IL12RB2: variants seen among roughly 807,000 people sequenced by gnomAD.
IL12RB2 encodes interleukin-12 receptor subunit beta-2.
In IL12RB2, 82 loss-of-function variants were observed where a neutral mutation model predicts 89.4. That is an observed-to-expected ratio of 0.92 (90% confidence interval 0.77 to 1.10). The LOEUF (loss-of-function observed/expected upper bound fraction) is 1.10. IL12RB2 is among the 50% of genes least tolerant of loss of function. IL12RB2 has a pLI of 0.00. For missense variants in IL12RB2, 963 were observed against 1,031.9 expected, an observed-to-expected ratio of 0.93 and a Z score of 0.92; for synonymous variants, 368 against 370.1, an observed-to-expected ratio of 0.99 and a Z score of 0.07.
chr1:67,390,137 C>T lies in IL12RB2; in HGVS notation c.2046+9C>T, dbSNP rs202157692. On this transcript the variant is annotated intron_variant, in intron 16 of 16. Coordinates refer to ENST00000674203, the MANE Select transcript of IL12RB2 (RefSeq NM_001374259.2). ...AATATCCCATTGCAGAGGTAAGGTACAATTCCTCTGTGGTCAGTCAGTGGA... is the reference window on the plus strand; with the variant it reads ...AATATCCCATTGCAGAGGTAAGGTATAATTCCTCTGTGGTCAGTCAGTGGA... The T allele has an allele frequency of 3.0e-6, 3 of 1,009,634 alleles. No homozygotes were observed. The highest frequency in any genetic ancestry group is 4.8e-6 in the Non-Finnish European group (3 of 627,128). 62.5% of individuals were successfully genotyped at this position (1,009,634 alleles called of 1,614,324 possible).
intron 14 of IL12RB2, among the ~76,000 whole-genome samples, chr1:67,383,541 A>T (rs1664827471): frequency 6.6e-6 from 1 of 152,200 alleles, no homozygotes; most frequent in African/African-American, 2.4e-5. Flanking sequence ...CTATGAGCCT[A>T]TAAAATCAAA....
At chr1:67,346,272 G>A (rs1440497720) in intron 9 of IL12RB2, among the ~76,000 whole-genome samples, 1 of 151,692 alleles carries the variant, frequency 6.6e-6, no homozygotes. Context: ...TTAAGTTATT[G>A]TTATGAGGCA....
At chr1:67,310,592 G>T (rs1654919246) in intron 1 of IL12RB2, among the ~76,000 whole-genome samples, 1 of 152,206 alleles carries the variant, frequency 6.6e-6, no homozygotes, top group Non-Finnish European at 1.5e-5. Flanking sequence ...TCACTGAAAA[G>T]AAGTAATACT....
At position 67,367,945 on chromosome 1, in the gene IL12RB2, AGCTCCATCCAGGGGGT is replaced by A; in HGVS notation, c.1381_1396del (p.Leu461ThrfsTer6). The A allele has an allele frequency of 1.9e-6, 3 of 1,601,054 alleles. No homozygotes were observed. The highest frequency in any genetic ancestry group is 2.6e-6 in the Non-Finnish European group (3 of 1,168,002). The stretch of plus-strand genomic sequence containing the variant: ...CAGGAGTACGTGGTGGAATGGAGAG[AGCTCCATCCAGGGGGT>A]GACACACAGGTCCCTCTAAACTGGC... On this transcript the variant is annotated frameshift_variant, in exon 11 of 17. Coordinates refer to ENST00000674203, the MANE Select transcript of IL12RB2 (RefSeq NM_001374259.2). LOFTEE classifies it high-confidence loss of function.
intron 10 of IL12RB2, among the ~76,000 whole-genome samples, chr1:67,358,076 G>A (rs1040111646): frequency 2.0e-5 from 3 of 151,768 alleles, no homozygotes; most frequent in African/African-American, 4.8e-5. Flanking sequence ...ATTGTAAAGT[G>A]TAAGGACCTT....
chr1:67,319,578 C>T (rs752243601), intron 2 of IL12RB2, among the ~76,000 whole-genome samples: 3 of 152,080 alleles, frequency 2.0e-5, no homozygotes, highest in Non-Finnish European at 4.4e-5. Context: ...TCTCACTGGT[C>T]AAACTACTCT....
rs1046609758 is a variant in IL12RB2, at chr1:67,343,179, C to G, written c.1038+4476C>G. Among the ~76,000 whole-genome samples, 4 of 135,390 alleles carry G rather than the reference C, an allele frequency of 3.0e-5. No homozygotes were observed. The Admixed American group carries it at 3.1e-4, about 10-fold the overall frequency. The allele number at this position is 135,390 out of a possible 152,430, so 88.8% of individuals were successfully genotyped here. On this transcript the variant is annotated intron_variant, in intron 9 of 16. Transcript: ENST00000674203. ...CTCAGCTCACTGCAGCCTTCACCTC[C>G]TGTGCTCAAGTGATCCTCCCACCTC...
In IL12RB2 at chr1:67,393,541, C is replaced by T. The variant is rs909789523; in HGVS notation, c.2047-2006C>T. ...CTTCCCAGAGCTGCCAGCTGTGTTC[C>T]GAGCCAGACCCACGTGCCAGGGCCA... On this transcript the variant is annotated intron_variant, in intron 16 of 16. Coordinates refer to ENST00000674203, the MANE Select transcript of IL12RB2 (RefSeq NM_001374259.2). Among the ~76,000 whole-genome samples, 4 of 152,176 alleles carry T rather than the reference C, an allele frequency of 2.6e-5. 1 individual carries two copies. Among genetic ancestry groups the T allele is most frequent in the East Asian group, 3.8e-4 (2 of 5,202 alleles).
At chr1:67,393,954 G>A (rs557440021) in intron 16 of IL12RB2, among the ~76,000 whole-genome samples, 38 of 152,304 alleles carry the variant, frequency 2.5e-4, no homozygotes, top group African/African-American at 8.7e-4. Context: ...ACAGCACAAA[G>A]TATCACATGC....
intron 16 of IL12RB2, among the ~76,000 whole-genome samples, chr1:67,395,328 C>T (rs1666258547): frequency 6.6e-6 from 1 of 152,058 alleles, no homozygotes; most frequent in African/African-American, 2.4e-5. Flanking sequence ...CTGTGAATCA[C>T]TCACTGGCTG....
chr1:67,316,407 C>T (rs1034762036), intron 2 of IL12RB2, among the ~76,000 whole-genome samples: 3 of 132,442 alleles, frequency 2.3e-5, no homozygotes, highest in Admixed American at 1.7e-4. Flanking sequence ...TGCATCCACC[C>T]TAGTCCCCAG....
intron 1 of IL12RB2, among the ~76,000 whole-genome samples, chr1:67,313,710 C>T (rs1405008932): frequency 2.6e-5 from 4 of 152,134 alleles, no homozygotes; most frequent in Admixed American, 6.5e-5. Context: ...CTTATAGTCC[C>T]AGCTGCTCAG....
rs1656587967 is a variant in IL12RB2, at chr1:67,321,881, TC to T, written c.357del (p.Phe119LeufsTer43). 1 of 1,613,364 alleles carries T rather than the reference TC, an allele frequency of 6.2e-7. No homozygotes were observed. ...DEIQICGAEI[F>X]VGVAPEQPQN... ...ATTCAAATATGTGGAGCAGAGATCTTCGTTGGTGGTGAGCATTCCATTTTGA... is the reference window on the plus strand; with the variant it reads ...ATTCAAATATGTGGAGCAGAGATCTTGTTGGTGGTGAGCATTCCATTTTGA... On this transcript the variant is annotated frameshift_variant, in exon 4 of 17. Coordinates refer to ENST00000674203, the MANE Select transcript of IL12RB2 (RefSeq NM_001374259.2). LOFTEE classifies it high-confidence loss of function.
intron 9 of IL12RB2, among the ~76,000 whole-genome samples, chr1:67,345,673 C>T (rs3790565): frequency 0.67 from 102,254 of 152,030 alleles, 38,255 homozygotes; most frequent in South Asian, 0.84. Flanking sequence ...TAGATTGTTT[C>T]GTTGCAATAT....
chr1:67,388,344 T>TTTTTG (rs887605621), intron 15 of IL12RB2, among the ~76,000 whole-genome samples: 1 of 152,072 alleles, frequency 6.6e-6, no homozygotes, highest in Non-Finnish European at 1.5e-5. Context: ...AACCACAATA[T>TTTTTG]TTTTGTTTTG....
Position 67,395,703 on chromosome 1 carries a change from G to A in IL12RB2, c.2203G>A (p.Gly735Ser). The change falls in exon 17 of 17, where the codon GGT becomes AGT. Residue 735 changes from glycine (G) to serine (S), a missense_variant. By Grantham distance (56) the Gly-to-Ser change is moderately conservative. Coordinates refer to ENST00000674203, the MANE Select transcript of IL12RB2 (RefSeq NM_001374259.2). ...GCCACAAAGGGAAAAAGGAATCCAA[G>A]GTCATCAGGCCTCTGAGAAAGACAT... is the stretch of plus-strand genomic sequence containing the variant. The part of the protein sequence containing the change: ...NWPQREKGIQ[G>S]HQASEKDMMH... 1 of 1,614,200 alleles carries A rather than the reference G, an allele frequency of 6.2e-7. No homozygotes were observed. Among genetic ancestry groups the A allele is most frequent in the Non-Finnish European group, 8.5e-7 (1 of 1,180,038 alleles).
At chr1:67,358,079 A>C (rs1489510510) in intron 10 of IL12RB2, among the ~76,000 whole-genome samples, 1 of 152,146 alleles carries the variant, frequency 6.6e-6, no homozygotes, top group Non-Finnish European at 1.5e-5. Flanking sequence ...GTAAAGTGTA[A>C]GGACCTTAAA....
chr1:67,368,107 T>G, intron 11 of IL12RB2, 82 bp downstream of exon 11: 1 of 874,144 alleles, frequency 1.1e-6, no homozygotes, highest in Non-Finnish European at 1.9e-6. Flanking sequence ...GCCAGAACCC[T>G]GCCTTCAATT....
At chr1:67,321,166 T>C (rs998273591) in intron 3 of IL12RB2, among the ~76,000 whole-genome samples, 2 of 152,012 alleles carry the variant, frequency 1.3e-5, no homozygotes, top group Non-Finnish European at 2.9e-5. Flanking sequence ...TAAAACTGTC[T>C]TTTTTTTCTT....
Sources: allele counts gnomAD v4.1 joint callset (sites outside exome capture counted in the v4.1 genomes callset), GRCh38; gene constraint gnomAD v4.1.1; transcripts MANE v1.5; gene names NCBI Gene and HGNC (gene_info 2026-07-23, HGNC 2026-07-21).